Variants in GFM1 observed in about 807,000 individuals in gnomAD.
GFM1 encodes elongation factor G, mitochondrial.
Under a neutral mutation model 96.2 loss-of-function variants are expected in GFM1, and 62 were observed. That is an observed-to-expected ratio of 0.64 (90% confidence interval 0.53 to 0.80). GFM1 has a LOEUF of 0.80. Among genes scored for constraint, GFM1 ranks in the 30% least tolerant of loss-of-function variants. The probability of loss-of-function intolerance (pLI) is 0.00; values close to 1 mark genes in which losing one functional copy is unlikely to be tolerated. For synonymous variants in GFM1, 282 were observed against 312.9 expected, an observed-to-expected ratio of 0.90 and a Z score of 1.04; for missense variants, 852 against 916.6, an observed-to-expected ratio of 0.93 and a Z score of 0.91.
intron 13 of GFM1, among the ~76,000 whole-genome samples, chr3:158,668,049 C>T (rs1475158813): frequency 6.6e-6 from 1 of 152,126 alleles, no homozygotes; most frequent in Non-Finnish European, 1.5e-5. Flanking sequence ...CACAGCTTTG[C>T]TTGTGACTGC....
In GFM1 at chr3:158,684,582, G is replaced by T; in HGVS notation, c.1823G>T (p.Arg608Leu). 1 of 1,614,044 alleles carries T rather than the reference G, an allele frequency of 6.2e-7. No homozygotes were observed. The change falls in exon 15 of 18, where the codon CGG becomes CTG. Residue 608 changes from arginine to leucine, a missense_variant. By Grantham distance (102) the Arg-to-Leu change is moderately radical (BLOSUM62 -2). Coordinates refer to ENST00000486715, the MANE Select transcript of GFM1 (RefSeq NM_024996.7). ...PLSGHKLSGLRFVLQDGAHHM... is the reference protein window; with the variant it reads ...PLSGHKLSGLLFVLQDGAHHM... ...TCTGGTCACAAGCTCTCTGGGCTCC[G>T]GTTTGTCCTGCAAGATGGAGCACAC...
At chr3:158,671,864 C>G (rs13316522) in intron 13 of GFM1, among the ~76,000 whole-genome samples, 2,454 of 152,248 alleles carry the variant, frequency 0.016, 54 homozygotes, top group African/African-American at 0.057. Context: ...TATTCTTTGA[C>G]TTTGATTGTC....
chr3:158,682,084 A>G lies in GFM1; in HGVS notation c.1691A>G (p.Tyr564Cys). 1 of 1,613,672 alleles carries G rather than the reference A, an allele frequency of 6.2e-7. No homozygotes were observed. ...CTGGAGCCTCTGGACCCAGAGGACT[A>G]CACTAAATTGGAATTTTCAGATGAA... is the stretch of plus-strand genomic sequence containing the variant. ...GVLEPLDPEDYTKLEFSDETF... is the reference protein window; with the variant it reads ...GVLEPLDPEDCTKLEFSDETF... The change falls in exon 14 of 18, where the codon TAC becomes TGC. Residue 564 changes from tyrosine (Y) to cysteine (C), a missense_variant. By Grantham distance (194) the Tyr-to-Cys change is radical. Transcript: ENST00000486715.
At chr3:158,669,320 C>A in intron 13 of GFM1, 1 of 1,251,086 alleles carries the variant, frequency 8.0e-7, no homozygotes, top group Non-Finnish European at 1.1e-6. Context: ...AGTATTTTTG[C>A]AAAAGCCTGT....
chr3:158,657,999 C>T (rs2363659), intron 8 of GFM1, among the ~76,000 whole-genome samples: 63,110 of 151,708 alleles, frequency 0.42, 14,272 homozygotes, highest in African/African-American at 0.6. Flanking sequence ...CTATTTATTC[C>T]TCTGAATGAA....
chr3:158,686,763 G>C (rs934583649), intron 15 of GFM1, among the ~76,000 whole-genome samples: 1 of 106,298 alleles, frequency 9.4e-6, no homozygotes, highest in Non-Finnish European at 1.7e-5. Context: ...GTCTGACTCT[G>C]TTACCCAGGC....
chr3:158,662,096 A>G (rs534920191), intron 10 of GFM1, among the ~76,000 whole-genome samples: 30 of 152,226 alleles, frequency 2.0e-4, no homozygotes, highest in African/African-American at 6.5e-4. Flanking sequence ...GCCCTATACT[A>G]CCTACTGGCC....
At chr3:158,668,257 C>G (rs1369247875) in intron 13 of GFM1, among the ~76,000 whole-genome samples, 1 of 152,168 alleles carries the variant, frequency 6.6e-6, no homozygotes, top group East Asian at 1.9e-4. Flanking sequence ...TACTTTAAAT[C>G]ATCTCTAGAT....
intron 9 of GFM1, 23 bp downstream of exon 9, chr3:158,659,082 A>G (rs1457429938): frequency 6.2e-7 from 1 of 1,613,982 alleles, no homozygotes; most frequent in Non-Finnish European, 8.5e-7. Context: ...TCATTGTGAG[A>G]TTAGAAATTC....
rs150903461 is a variant in GFM1 at position 158,652,137 on chromosome 3, C to T, written c.731C>T (p.Ala244Val). 1.5e-4 allele frequency: 236 copies of T among 1,613,582 alleles called. No homozygotes were observed. The highest frequency in any genetic ancestry group is 2.8e-4 in the Admixed American group (17 of 59,976). Reference sequence around the variant, plus strand: ...GGTGAGATTCCAGCTGAATTAAGGGCGGCGGCCACTGACCACCGGCAGGAG... The same window carrying T: ...GGTGAGATTCCAGCTGAATTAAGGGTGGCGGCCACTGACCACCGGCAGGAG... ...RYGEIPAELR[A>V]AATDHRQELI... The change falls in exon 6 of 18, where the codon GCG becomes GTG. Residue 244 changes from alanine to valine, a missense_variant. Physicochemically the swap from Ala to Val is moderately conservative, Grantham distance 64. Coordinates refer to ENST00000486715, the MANE Select transcript of GFM1 (RefSeq NM_024996.7).
chr3:158,646,650 A>G, intron 3 of GFM1, 93 bp from the exon 4 acceptor site: 3 of 1,052,240 alleles, frequency 2.9e-6, no homozygotes, highest in South Asian at 2.7e-5. Context: ...TAGAAGACTT[A>G]TGTGATGAGC....
At chr3:158,649,357 A>T (rs111270770) in intron 5 of GFM1, 200 bp downstream of exon 5, 4 of 448,136 alleles carry the variant, frequency 8.9e-6, no homozygotes, top group Non-Finnish European at 1.6e-5. Context: ...AGACTATGTT[A>T]CTTTTTGGGT....
intron 16 of GFM1, 53 bp from the exon 17 acceptor site, chr3:158,691,086 C>A: frequency 8.1e-7 from 1 of 1,230,616 alleles, no homozygotes; most frequent in South Asian, 1.2e-5. Flanking sequence ...CTGTATTTTT[C>A]TCAAATATTT....
intron 11 of GFM1, among the ~76,000 whole-genome samples, chr3:158,663,895 A>G (rs182355511): frequency 1.2e-3 from 176 of 152,286 alleles, no homozygotes; most frequent in Non-Finnish European, 1.9e-3. Flanking sequence ...CGAATAATGA[A>G]GTCTCCATGA....
At chr3:158,667,095 G>A (rs760491004) in intron 13 of GFM1, 11 of 1,561,236 alleles carry the variant, frequency 7.0e-6, no homozygotes, top group East Asian at 2.3e-5. Context: ...AAATAAAAAC[G>A]TGTTGTTTAA....
intron 7 of GFM1, 131 bp downstream of exon 7, chr3:158,653,598 T>A: frequency 1.4e-6 from 1 of 709,978 alleles, no homozygotes; most frequent in East Asian, 2.7e-5. Flanking sequence ...ATGGTTTTTA[T>A]TTGGGTAACA....
chr3:158,654,033 C>T (rs1379402906), intron 7 of GFM1, among the ~76,000 whole-genome samples: 2 of 151,858 alleles, frequency 1.3e-5, no homozygotes, highest in African/African-American at 4.8e-5. Context: ...GATTGCACCA[C>T]TGCACTCCAG....
chr3:158,661,047 A>G lies in GFM1; in HGVS notation c.1323+72A>G, dbSNP rs2291594. On this transcript the variant is annotated intron_variant, in intron 10 of 17. Coordinates refer to ENST00000486715, the MANE Select transcript of GFM1 (RefSeq NM_024996.7). ...TCTGTGTTTTTATGTAGTGCATTTA[A>G]TACTTCAGAAAAACAACCACAGAAG... 0.14 allele frequency: 168,290 copies of G among 1,217,826 alleles called. 13,094 individuals carry two copies. The highest frequency in any genetic ancestry group is 0.21 in the South Asian group (17,369 of 82,852). 75.4% of individuals were successfully genotyped at this position (1,217,826 alleles called of 1,614,324 possible).
intron 13 of GFM1, among the ~76,000 whole-genome samples, chr3:158,678,987 T>G (rs569110594): frequency 6.6e-6 from 1 of 152,242 alleles, no homozygotes; most frequent in South Asian, 2.1e-4. Context: ...CTGGGCAACA[T>G]AGTGAGACCC....
Sources: gnomAD v4.1 joint callset for allele counts (sites outside exome capture counted in the v4.1 genomes callset) on GRCh38, gnomAD v4.1.1 for gene constraint, MANE v1.5 for transcripts, NCBI Gene and HGNC (gene_info 2026-07-23, HGNC 2026-07-21) for gene names.